The following STK4 variants were observed in gnomAD, a reference collection of about 807,000 sequenced individuals.
STK4 encodes serine/threonine-protein kinase 4.
In STK4, 30 loss-of-function variants were observed where a neutral mutation model predicts 64.9. The ratio of observed to expected loss-of-function variants is 0.46; its 90% CI spans 0.35 to 0.63. The LOEUF is 0.63. Ranked by LOEUF, STK4 falls within the 20% of genes least tolerant of loss-of-function variation. The pLI is 0.01. For missense variants in STK4, 466 were observed against 598.5 expected (o/e 0.78, Z 2.31); for synonymous variants, 177 against 199.0 (o/e 0.89, Z 0.93).
At chr20:45,052,247 AAAG>A (rs2068787717) in intron 10 of STK4, among the ~76,000 whole-genome samples, 2 of 151,092 alleles carry the variant, frequency 1.3e-5, no homozygotes, top group African/African-American at 4.9e-5. Flanking sequence ...AGAAAAGCTT[AAAG>A]AAGAAAATGT....
chr20:44,971,665 CTTTTT>C (rs71197585), intron 1 of STK4, among the ~76,000 whole-genome samples: 1 of 90,364 alleles, frequency 1.1e-5, no homozygotes, highest in African/African-American at 4.4e-5. Context: ...AGCCACATGA[CTTTTT>C]TTTTTTTTTT....
chr20:45,037,658 G>C (rs557337937), intron 10 of STK4, among the ~76,000 whole-genome samples: 5 of 152,082 alleles, frequency 3.3e-5, no homozygotes, highest in Admixed American at 6.6e-5. Flanking sequence ...TTTTTCCCAG[G>C]AGGCCGATAA....
chr20:45,015,828 T>A (rs1381024005), intron 9 of STK4, among the ~76,000 whole-genome samples: 2 of 152,206 alleles, frequency 1.3e-5, no homozygotes, highest in Non-Finnish European at 2.9e-5. Context: ...AGATTGTATG[T>A]GTAAAATATT....
At position 44,971,082 on chromosome 20, in the gene STK4, T is replaced by TACACACAC. The variant is rs142027582; in HGVS notation, c.36-960_36-953dup. On this transcript the variant is annotated intron_variant, in intron 1 of 10. Coordinates refer to ENST00000372806, the MANE Select transcript of STK4 (RefSeq NM_006282.5). ...AGTTTCAGGAAGCCATTGTGTAGAC[T>TACACACAC]ACACACACACACACACACACACACA... Among the ~76,000 whole-genome samples, 898 of 136,482 alleles carry TACACACAC rather than the reference T, an allele frequency of 6.6e-3. 9 individuals are homozygous for TACACACAC. The highest frequency in any genetic ancestry group is 0.029 in the East Asian group (120 of 4,186). The allele number at this position is 136,482 out of a possible 152,430, so 89.5% of individuals were successfully genotyped here. A position where few individuals can be genotyped will look rare whatever the true frequency, so the allele number is the denominator to read the frequency against.
intron 10 of STK4, among the ~76,000 whole-genome samples, chr20:45,058,055 A>T (rs1978646831): frequency 3.2e-4 from 1 of 3,114 alleles, no homozygotes; most frequent in Admixed American, 2.3e-3. Context: ...TTTGAAGGTC[A>T]CACACACACA....
chr20:44,999,570 T>G (rs1374350622), intron 7 of STK4, among the ~76,000 whole-genome samples: 1 of 152,224 alleles, frequency 6.6e-6, no homozygotes, highest in Non-Finnish European at 1.5e-5. Flanking sequence ...TATCACGTGC[T>G]ACAAATACAA....
chr20:45,062,608 G>A lies in STK4; in HGVS notation c.1306-12410G>A, dbSNP rs144737588. Among the ~76,000 whole-genome samples, 770 of 152,154 alleles carry A rather than the reference G, an allele frequency of 5.1e-3. 8 individuals are homozygous for A. Among genetic ancestry groups the A allele is most frequent in the African/African-American group, 0.018 (736 of 41,532 alleles). On this transcript the variant is annotated intron_variant, in intron 10 of 10. Transcript: ENST00000372806. ...GCATCTGTTATTTTTTGACTTTTTAGTAATAGCAAAAAATTCTGACTGATG... is the reference window on the plus strand; with the variant it reads ...GCATCTGTTATTTTTTGACTTTTTAATAATAGCAAAAAATTCTGACTGATG...
intron 7 of STK4, among the ~76,000 whole-genome samples, chr20:44,997,551 G>C (rs562381879): frequency 6.6e-6 from 1 of 152,332 alleles, no homozygotes; most frequent in South Asian, 2.1e-4. Context: ...TTAGCCAGGT[G>C]TGGTGGCGCA....
intron 1 of STK4, among the ~76,000 whole-genome samples, chr20:44,971,405 CTTTCTG>C (rs1686829938): frequency 6.6e-6 from 1 of 152,144 alleles, no homozygotes; most frequent in Admixed American, 6.6e-5. Context: ...ACACTTTCCA[CTTTCTG>C]TTTCTGTGAT....
At chr20:45,051,964 A>G (rs1247839812) in intron 10 of STK4, among the ~76,000 whole-genome samples, 3 of 152,194 alleles carry the variant, frequency 2.0e-5, no homozygotes, top group African/African-American at 7.2e-5. Context: ...GTGAGTATCA[A>G]ATGAGATGCA....
At chr20:45,057,551 C>T (rs1003917264) in intron 10 of STK4, among the ~76,000 whole-genome samples, 5 of 152,120 alleles carry the variant, frequency 3.3e-5, no homozygotes, top group African/African-American at 1.2e-4. Context: ...ATATACTAAT[C>T]ATGATATTGT....
chr20:45,039,290 A>G (rs6031945), intron 10 of STK4, among the ~76,000 whole-genome samples: 23,339 of 152,078 alleles, frequency 0.15, 1,936 homozygotes, highest in East Asian at 0.22. Context: ...TGGATCTTCT[A>G]AATGTTGGCA....
intron 1 of STK4, among the ~76,000 whole-genome samples, chr20:44,971,288 T>C (rs2067241255): frequency 6.6e-6 from 1 of 152,164 alleles, no homozygotes; most frequent in Non-Finnish European, 1.5e-5. Flanking sequence ...ACCTTTGATT[T>C]TTGGGACTAG....
intron 9 of STK4, chr20:45,007,940 C>T (rs1452872969): frequency 4.6e-6 from 1 of 217,816 alleles, no homozygotes; most frequent in Non-Finnish European, 9.7e-6. Context: ...TGTTTATATC[C>T]ATGTGTGCTC....
intron 10 of STK4, among the ~76,000 whole-genome samples, chr20:45,062,803 A>C (rs1979163736): frequency 6.7e-6 from 1 of 148,910 alleles, no homozygotes; most frequent in Non-Finnish European, 1.5e-5. Context: ...TCAGCCTCCC[A>C]AGTAGCTGGG....
intron 1 of STK4, among the ~76,000 whole-genome samples, chr20:44,971,107 A>ACACACG (rs1219647036): frequency 6.6e-6 from 1 of 151,466 alleles, no homozygotes; most frequent in Admixed American, 6.6e-5. Flanking sequence ...ACACACACAC[A>ACACACG]CACACACACA....
chr20:45,008,853 C>G (rs1286834445), intron 9 of STK4, among the ~76,000 whole-genome samples: 2 of 152,012 alleles, frequency 1.3e-5, no homozygotes, highest in African/African-American at 4.8e-5. Flanking sequence ...AGTGTCTGTT[C>G]ATGTCCTTTG....
rs776976950 is a variant in STK4, at chr20:44,978,621, A to G, written c.245+50A>G. 12 of 1,596,814 alleles carry G rather than the reference A, an allele frequency of 7.5e-6. No homozygotes were observed. In the African/African-American group the frequency reaches 8.1e-5, roughly 11 times the overall value. Reference sequence around the variant, plus strand: ...GGGAGAATGTGGTTTTGAATTAGCTATGATTGTGTAGAGTTTGATACCTAG... The same window carrying G: ...GGGAGAATGTGGTTTTGAATTAGCTGTGATTGTGTAGAGTTTGATACCTAG... On this transcript the variant is annotated intron_variant, in intron 3 of 10. Transcript: ENST00000372806.
At chr20:45,066,707 G>C (rs1298128156) in intron 10 of STK4, among the ~76,000 whole-genome samples, 1 of 152,186 alleles carries the variant, frequency 6.6e-6, no homozygotes, top group African/African-American at 2.4e-5. Flanking sequence ...TGGGATTGAG[G>C]CAATTGTTAA....
Sources: gnomAD v4.1 joint callset for allele counts (sites outside exome capture counted in the v4.1 genomes callset) on GRCh38, gnomAD v4.1.1 for gene constraint, MANE v1.5 for transcripts, NCBI Gene and HGNC (gene_info 2026-07-23, HGNC 2026-07-21) for gene names.